Variants in MYZAP observed in about 807,000 individuals in gnomAD.
The protein encoded by MYZAP is myocardial zonula adherens protein.
Under a neutral mutation model 69.4 loss-of-function variants are expected in MYZAP, and 66 were observed. The ratio of observed to expected loss-of-function variants is 0.95; its 90% CI spans 0.78 to 1.17. MYZAP has a LOEUF of 1.17. Ranked by LOEUF, MYZAP falls within the 50% of genes most tolerant of loss-of-function variation. The pLI, the probability that MYZAP is intolerant of heterozygous loss-of-function variation, is 0.00. For missense variants in MYZAP, 611 were observed against 556.2 expected (o/e 1.10, Z -0.99); for synonymous variants, 256 against 205.9 (o/e 1.24, Z -2.09).
intron 10 of MYZAP, 138 bp downstream of exon 10, chr15:57,639,683 A>G: frequency 1.1e-6 from 1 of 948,092 alleles, no homozygotes; most frequent in Non-Finnish European, 1.6e-6. Context: ...CTAGGCCCAG[A>G]GTGGGATTTC....
At chr15:57,592,459 T>A (rs2033738358) in intron 1 of MYZAP, among the ~76,000 whole-genome samples, 1 of 152,168 alleles carries the variant, frequency 6.6e-6, no homozygotes, top group Non-Finnish European at 1.5e-5. Flanking sequence ...ATGAATGTAT[T>A]TAAAACTCAA....
chr15:57,618,226 C>G (rs1314400435), intron 3 of MYZAP, 38 bp downstream of exon 3: 2 of 1,603,498 alleles, frequency 1.2e-6, no homozygotes, highest in Non-Finnish European at 1.7e-6. Flanking sequence ...CACCTGTATT[C>G]TTTTTGTAGC....
chr15:57,660,908 C>T (rs2038263167), intron 10 of MYZAP, among the ~76,000 whole-genome samples: 1 of 152,134 alleles, frequency 6.6e-6, no homozygotes, highest in Non-Finnish European at 1.5e-5. Context: ...GTCTTCAGTC[C>T]TCTGAATTTC....
At chr15:57,610,123 C>A (rs1171838967) in intron 2 of MYZAP, among the ~76,000 whole-genome samples, 3 of 152,160 alleles carry the variant, frequency 2.0e-5, no homozygotes, top group African/African-American at 4.8e-5. Context: ...TTTTAAATAG[C>A]TATTAACATC....
intron 10 of MYZAP, chr15:57,648,055 G>C (rs1414234028): frequency 1.0e-6 from 1 of 984,114 alleles, no homozygotes; most frequent in African/African-American, 1.7e-5. Flanking sequence ...TGAGGCAGGA[G>C]TGATTTATTG....
rs952624214 is a variant in MYZAP at position 57,625,992 on chromosome 15, T to A, written c.525+100T>A. 7 of 1,034,424 alleles carry A rather than the reference T, an allele frequency of 6.8e-6. No individual in the cohort carries two copies. In the South Asian group the frequency reaches 8.2e-5, roughly 12 times the overall value. The allele number at this position is 1,034,424 out of a possible 1,614,324, so 64.1% of individuals were successfully genotyped here. On this transcript the variant is annotated intron_variant, in intron 5 of 12. Transcript: ENST00000267853. Reference sequence around the variant, plus strand: ...TAAGTCACAGAACATCCTTAGCTCATGATTCAGAATTCTTTAAGCAGAACC... The same window carrying A: ...TAAGTCACAGAACATCCTTAGCTCAAGATTCAGAATTCTTTAAGCAGAACC...
chr15:57,633,507 T>G, intron 7 of MYZAP, 106 bp from the exon 8 acceptor site: 1 of 1,383,968 alleles, frequency 7.2e-7, no homozygotes, highest in East Asian at 2.6e-5. Flanking sequence ...TCCAAGGTCA[T>G]GTTTTAAAGA....
chr15:57,600,301 C>A (rs373427368), intron 1 of MYZAP, among the ~76,000 whole-genome samples: 1 of 152,192 alleles, frequency 6.6e-6, no homozygotes, highest in African/African-American at 2.4e-5. Flanking sequence ...GATCAAAGCA[C>A]CTCTGTTGAC....
chr15:57,632,482 A>G lies in MYZAP; in HGVS notation c.727A>G (p.Lys243Glu), dbSNP rs1458800297. Residue 243 changes from lysine (K) to glutamate (E), a missense_variant, in exon 7 of 13, where the codon AAG (lysine) becomes GAG (glutamate). Lys to Glu is a moderately conservative substitution (Grantham distance 56, BLOSUM62 1). Transcript: ENST00000267853. ...TGCTGAGGTGATGCGAGAGATGACC[A>G]AGAAGCTGTACAGCCAGTATGAGGA... is the stretch of plus-strand genomic sequence containing the variant. Reference protein sequence around the residue: ...ANAEVMREMTKKLYSQYEEKL... With the variant: ...ANAEVMREMTEKLYSQYEEKL... 2 of 1,614,240 alleles carry G rather than the reference A, an allele frequency of 1.2e-6. No individual in the cohort carries two copies. The highest frequency in any genetic ancestry group is 1.1e-5 in the South Asian group (1 of 91,090).
At chr15:57,601,262 G>A (rs551993575) in intron 1 of MYZAP, among the ~76,000 whole-genome samples, 14 of 126,192 alleles carry the variant, frequency 1.1e-4, no homozygotes, top group African/African-American at 3.3e-4. Context: ...ATATATGTAC[G>A]TGTGTGCACA....
intron 2 of MYZAP, among the ~76,000 whole-genome samples, chr15:57,609,379 G>A (rs548759147): frequency 6.6e-6 from 1 of 152,322 alleles, no homozygotes; most frequent in South Asian, 2.1e-4. Flanking sequence ...AAGGCTCCAG[G>A]GGGAGAATTT....
At chr15:57,593,214 A>ACACACACACACACACACACACCCC (rs1172761785) in intron 1 of MYZAP, among the ~76,000 whole-genome samples, 9 of 141,346 alleles carry the variant, frequency 6.4e-5, no homozygotes, top group South Asian at 2.4e-4. Context: ...ACACACACAC[A>ACACACACACACACACACACACCCC]CCCCAGAATC....
At chr15:57,619,528 C>A (rs1180942875) in intron 3 of MYZAP, among the ~76,000 whole-genome samples, 8 of 152,066 alleles carry the variant, frequency 5.3e-5, no homozygotes, top group Admixed American at 5.2e-4. Flanking sequence ...CAGGTGCGCA[C>A]CGCTACACCC....
intron 10 of MYZAP, among the ~76,000 whole-genome samples, chr15:57,658,177 C>T (rs940184772): frequency 5.9e-5 from 9 of 152,178 alleles, no homozygotes; most frequent in African/African-American, 1.9e-4. Context: ...TACCCAGGTT[C>T]AGCAAATAGC....
chr15:57,649,122 T>C (rs1243689488), intron 10 of MYZAP, among the ~76,000 whole-genome samples: 1 of 152,226 alleles, frequency 6.6e-6, no homozygotes, highest in East Asian at 1.9e-4. Flanking sequence ...ATCCTTTTAT[T>C]TGAATATATT....
intron 10 of MYZAP, among the ~76,000 whole-genome samples, chr15:57,649,513 G>T (rs1187233719): frequency 1.3e-5 from 2 of 152,092 alleles, no homozygotes; most frequent in Admixed American, 6.6e-5. Flanking sequence ...TTTATGAAAT[G>T]GTTGTTCATG....
At chr15:57,650,536 C>T (rs542019268) in intron 10 of MYZAP, among the ~76,000 whole-genome samples, 2 of 152,328 alleles carry the variant, frequency 1.3e-5, no homozygotes, top group East Asian at 3.9e-4. Flanking sequence ...CTTTTGCATC[C>T]TGCCTCTGCT....
At chr15:57,680,515 A>G (rs2733607) in intron 12 of MYZAP, among the ~76,000 whole-genome samples, 125,527 of 150,018 alleles carry the variant, frequency 0.84, 56,160 homozygotes, top group Non-Finnish European at 0.97. Flanking sequence ...ACACACACAC[A>G]CAAATGTATG....
chr15:57,632,535 C>A lies in MYZAP; in HGVS notation c.780C>A (p.His260Gln). 6.2e-7 allele frequency: 1 copy of A among 1,614,184 alleles called. No individual in the cohort carries two copies. The highest frequency in any genetic ancestry group is 8.5e-7 in the Non-Finnish European group (1 of 1,180,020). ...EEKLQEEQRK[H>Q]SAEKEALLEE... ...AGCTGCAGGAAGAACAGAGGAAGCA[C>A]AGTGCTGAGAAGGAGGCTCTTTTGG... Residue 260 changes from histidine to glutamine, a missense_variant, in exon 7 of 13, where the codon CAC (histidine) becomes CAA (glutamine). By Grantham distance (24) the His-to-Gln change is conservative. Transcript: ENST00000267853.
Sources: allele counts gnomAD v4.1 joint callset (sites outside exome capture counted in the v4.1 genomes callset), GRCh38; gene constraint gnomAD v4.1.1; transcripts MANE v1.5; gene names NCBI Gene and HGNC (gene_info 2026-07-23, HGNC 2026-07-21).